Variants in CHD8 observed in about 807,000 individuals in gnomAD.
The protein encoded by CHD8 is ATP-dependent chromatin remodeler CHD8.
Under a neutral mutation model 279.2 loss-of-function variants are expected in CHD8, and 31 were observed. The observed-to-expected ratio is 0.11, with a 90% CI of 0.08 to 0.15. The LOEUF (loss-of-function observed/expected upper bound fraction) is 0.15, where lower values mean the gene tolerates loss of function less well. Ranked by LOEUF, CHD8 falls within the 10% of genes least tolerant of loss-of-function variation. The probability of loss-of-function intolerance (pLI) is 1.00; values close to 1 mark genes in which losing one functional copy is unlikely to be tolerated. For missense variants in CHD8, 2,146 were observed against 3,230.5 expected (o/e 0.66, Z 8.14); for synonymous variants, 1,081 against 1,139.6 (o/e 0.95, Z 1.04).
At chr14:21,397,335 C>T (rs1447929979) in intron 27 of CHD8, 1 of 518,994 alleles carries the variant, frequency 1.9e-6, no homozygotes, top group Non-Finnish European at 3.8e-6. Flanking sequence ...AACTCACTGG[C>T]ACCCAAACCA....
chr14:21,395,778 G>A (rs751161358), intron 28 of CHD8, 39 bp downstream of exon 28: 2 of 1,188,816 alleles, frequency 1.7e-6, no homozygotes, highest in Non-Finnish European at 2.5e-6. Context: ...AAACTATTTA[G>A]TAATAGAGAA....
At chr14:21,453,266 G>A (rs566516409) in intron 1 of CHD8, among the ~76,000 whole-genome samples, 1 of 151,956 alleles carries the variant, frequency 6.6e-6, no homozygotes, top group African/African-American at 2.4e-5. Flanking sequence ...GACCAGCCTG[G>A]CCAATATGGT....
At chr14:21,435,112 T>C (rs1391950851) in intron 1 of CHD8, among the ~76,000 whole-genome samples, 1 of 152,214 alleles carries the variant, frequency 6.6e-6, no homozygotes, top group Non-Finnish European at 1.5e-5. Context: ...CACATGTATG[T>C]GCTCAAAAGG....
At chr14:21,454,952 C>T (rs1276658410) in intron 1 of CHD8, 1 of 152,130 alleles carries the variant, frequency 6.6e-6, no homozygotes, top group African/African-American at 2.4e-5. Context: ...AACTCACTTT[C>T]GATATGTAAT....
Position 21,426,329 on chromosome 14 carries a change from C to CA in CHD8, c.1602-88dup, listed in dbSNP as rs751870568. On this transcript the variant is annotated intron_variant, in intron 4 of 37. Coordinates refer to ENST00000646647, the MANE Select transcript of CHD8 (RefSeq NM_001170629.2). ...CATAATTAATCTAAACCATCACATA[C>CA]AAAACTTCCAGACAGAAGTTTTTAG... 435 of 672,886 alleles carry CA rather than the reference C, an allele frequency of 6.5e-4. 1 individual carries two copies. Among genetic ancestry groups the CA allele is most frequent in the Admixed American group, 1.2e-3 (44 of 35,860 alleles). 41.7% of individuals were successfully genotyped at this position (672,886 alleles called of 1,614,324 possible). A position where few individuals can be genotyped will look rare whatever the true frequency, so the allele number is the denominator to read the frequency against.
Position 21,402,898 on chromosome 14 carries a change from C to A in CHD8, c.3714+119G>T. ...GTTTGCTGATTCCCTGACCTAACTG[C>A]CACCCTTAACTAAGGAAACAATTCC... On this transcript the variant is annotated intron_variant, in intron 18 of 37. Coordinates refer to ENST00000646647, the MANE Select transcript of CHD8 (RefSeq NM_001170629.2). This position sits in a 1 kb window ranked among gnomAD's most constrained non-coding sequence, Gnocchi z 4.5. 1 of 802,510 alleles carries A rather than the reference C, an allele frequency of 1.2e-6. No individual in the cohort carries two copies. Among genetic ancestry groups the A allele is most frequent in the Admixed American group, 2.9e-5 (1 of 34,432 alleles). 49.7% of individuals were successfully genotyped at this position (802,510 alleles called of 1,614,324 possible).
Position 21,400,965 on chromosome 14 carries a change from T to A in CHD8, c.4280A>T (p.Asp1427Val). The change falls in exon 22 of 38, where the codon GAT (aspartate) becomes GTT (valine). Residue 1427 changes from aspartate to valine, a missense_variant. Asp to Val is a radical substitution (Grantham distance 152). Coordinates refer to ENST00000646647, the MANE Select transcript of CHD8 (RefSeq NM_001170629.2). This position sits in a 1 kb window ranked among gnomAD's most constrained non-coding sequence, Gnocchi z 4.2. ...VEFSDLESED[D>V]ERPRSRRHDR... Reference sequence around the variant, plus strand: ...ATGTCTGCGGGAGCGTGGCCGCTCATCATCCTCACTTTCCAAATCAGAGAA... The same window carrying A: ...ATGTCTGCGGGAGCGTGGCCGCTCAACATCCTCACTTTCCAAATCAGAGAA... The A allele has an allele frequency of 6.2e-7, 1 of 1,614,038 alleles. No homozygotes were observed. The highest frequency in any genetic ancestry group is 8.5e-7 in the Non-Finnish European group (1 of 1,179,868).
Position 21,394,904 on chromosome 14 carries a change from T to C in CHD8, c.5390+8A>G. 6.2e-7 allele frequency: 1 copy of C among 1,613,282 alleles called. No homozygotes were observed. The highest frequency in any genetic ancestry group is 8.5e-7 in the Non-Finnish European group (1 of 1,179,240). On this transcript the variant is annotated splice_region_variant and intron_variant, in intron 30 of 37. Transcript: ENST00000646647. ...ACAGATCAGCACAAGTTCCCAGCTA[T>C]ATTTTACCGTTGTTGTTTCTCCCGC... is the stretch of plus-strand genomic sequence containing the variant.
At chr14:21,436,405 G>A (rs958331564) in intron 1 of CHD8, among the ~76,000 whole-genome samples, 16 of 152,180 alleles carry the variant, frequency 1.1e-4, no homozygotes, top group African/African-American at 3.6e-4. Flanking sequence ...ACTGTACCAT[G>A]AAGACATTCG....
At chr14:21,433,254 T>G (rs1889639808) in intron 1 of CHD8, among the ~76,000 whole-genome samples, 1 of 152,234 alleles carries the variant, frequency 6.6e-6, no homozygotes, top group African/African-American at 2.4e-5. Flanking sequence ...CTTCCTATCT[T>G]GAAAACATGT....
chr14:21,441,813 C>T (rs977380708), intron 1 of CHD8, among the ~76,000 whole-genome samples: 9 of 152,052 alleles, frequency 5.9e-5, no homozygotes, highest in African/African-American at 1.9e-4. Context: ...GGCATGAACC[C>T]GGGAGGCGGA....
chr14:21,392,151 C>T (rs1160492960), intron 34 of CHD8: 2 of 760,006 alleles, frequency 2.6e-6, no homozygotes, highest in African/African-American at 3.4e-5. Flanking sequence ...TCACCTAGTG[C>T]CCCTCAGCAT....
At chr14:21,445,457 G>C (rs988261025) in intron 1 of CHD8, among the ~76,000 whole-genome samples, 5 of 151,790 alleles carry the variant, frequency 3.3e-5, no homozygotes, top group African/African-American at 4.8e-5. Context: ...GAGGCGGGTG[G>C]ATCACCTGAG....
chr14:21,439,702 C>T (rs1191664191), intron 1 of CHD8, among the ~76,000 whole-genome samples: 2 of 152,170 alleles, frequency 1.3e-5, no homozygotes, highest in East Asian at 1.9e-4. Flanking sequence ...CCAAATCAAA[C>T]TTGTGCTGGA....
intron 1 of CHD8, among the ~76,000 whole-genome samples, chr14:21,447,692 G>A (rs1277576165): frequency 6.6e-6 from 1 of 151,646 alleles, no homozygotes; most frequent in South Asian, 2.1e-4. Context: ...ATATCCTTAT[G>A]ACTCAAAAAT....
At chr14:21,397,534 C>T in intron 27 of CHD8, 1 of 383,900 alleles carries the variant, frequency 2.6e-6, no homozygotes. Context: ...TTTCAAGAGA[C>T]CAGTTATCCT....
At chr14:21,415,323 G>A in intron 7 of CHD8, 1 of 341,120 alleles carries the variant, frequency 2.9e-6, no homozygotes, top group Non-Finnish European at 5.1e-6. Context: ...TGTGAACATA[G>A]CATTACGGGT....
Position 21,431,328 on chromosome 14 carries a change from C to T in CHD8, c.316G>A (p.Ala106Thr), listed in dbSNP as rs774056562. ...TTQPASQEQPAQPVLQTSTPT... is the reference protein window; with the variant it reads ...TTQPASQEQPTQPVLQTSTPT... ...GTCGATGTCTGTAAGACAGGTTGGG[C>T]TGGCTGCTCCTGGCTGGCAGGCTGA... is the stretch of plus-strand genomic sequence containing the variant. Residue 106 changes from alanine to threonine, a missense_variant, in exon 2 of 38, where the codon GCC becomes ACC. Ala to Thr is a moderately conservative substitution (Grantham distance 58). This residue lies in a region of CHD8 where 302 missense variants were observed against 325.5 expected (regional missense o/e 0.93). Transcript: ENST00000646647. 1 of 1,541,040 alleles carries T rather than the reference C, an allele frequency of 6.5e-7. No homozygotes were observed.
Position 21,402,949 on chromosome 14 carries a change from A to C in CHD8, c.3714+68T>G, listed in dbSNP as rs749558696. 1.4e-5 allele frequency: 19 copies of C among 1,320,154 alleles called. No individual in the cohort carries two copies. The highest frequency in any genetic ancestry group is 2.0e-5 in the Non-Finnish European group (19 of 951,874). The allele number at this position is 1,320,154 out of a possible 1,614,324, so 81.8% of individuals were successfully genotyped here. On this transcript the variant is annotated intron_variant, in intron 18 of 37. Coordinates refer to ENST00000646647, the MANE Select transcript of CHD8 (RefSeq NM_001170629.2). The surrounding 1 kb of genome is among the most constrained non-coding windows in gnomAD (Gnocchi z 4.5). ...AAACTCTGTGAAAGGTCTTTCTAAA[A>C]GATCCTATTCTTGTTGAAAAATCTC...
Sources: gnomAD v4.1 joint callset for allele counts (sites outside exome capture counted in the v4.1 genomes callset) on GRCh38, gnomAD v4.1.1 for gene constraint, gnomAD v4.1.1 regional missense constraint, Gnocchi (gnomAD v3.1) non-coding constraint, MANE v1.5 for transcripts, NCBI Gene and HGNC (gene_info 2026-07-23, HGNC 2026-07-21) for gene names.